VPS53: variants seen among roughly 807,000 people sequenced by gnomAD.
VPS53 encodes the protein VPS53 subunit of GARP complex.
Under a neutral mutation model 107.0 loss-of-function variants are expected in VPS53, and 70 were observed. That is an observed-to-expected ratio of 0.65 (90% CI 0.54 to 0.80). The LOEUF (loss-of-function observed/expected upper bound fraction) is 0.80. Among genes scored for constraint, VPS53 ranks in the 30% least tolerant of loss-of-function variants. The pLI is 0.00. For synonymous variants in VPS53, 409 were observed against 393.3 expected (o/e 1.04, Z -0.47); for missense variants, 917 against 1,049.4 (o/e 0.87, Z 1.74).
At chr17:589,582 G>T (rs1313920419) in intron 12 of VPS53, among the ~76,000 whole-genome samples, 1 of 152,156 alleles carries the variant, frequency 6.6e-6, no homozygotes, top group Non-Finnish European at 1.5e-5. Context: ...GGAGCTCCTT[G>T]TAACTTTTCT....
rs931590986 is a variant in VPS53, at chr17:524,805, G to C, written c.2086-3067C>G. Among the ~76,000 whole-genome samples, 20 of 152,206 alleles carry C rather than the reference G, an allele frequency of 1.3e-4. No individual in the cohort carries two copies. The highest frequency in any genetic ancestry group is 4.8e-4 in the African/African-American group (20 of 41,444). Reference sequence around the variant, plus strand: ...CATCAGAGTCAGAAGTAAACAGGTTGATAATCTAGTGTGGGCACGGCCACA... The same window carrying C: ...CATCAGAGTCAGAAGTAAACAGGTTCATAATCTAGTGTGGGCACGGCCACA... On this transcript the variant is annotated intron_variant, in intron 19 of 21. Coordinates refer to ENST00000437048, the MANE Select transcript of VPS53 (RefSeq NM_001128159.3). This position sits in a 1 kb window ranked among gnomAD's most constrained non-coding sequence, Gnocchi z 4.5.
intron 17 of VPS53, chr17:540,547 T>A (rs1049613931): frequency 2.0e-5 from 3 of 151,948 alleles, no homozygotes; most frequent in African/African-American, 2.4e-5. Flanking sequence ...TACCTTGCAT[T>A]GGAAGAACAA....
At chr17:653,086 T>C (rs1971021789) in intron 7 of VPS53, 2 of 985,406 alleles carry the variant, frequency 2.0e-6, no homozygotes, top group Non-Finnish European at 2.4e-6. Context: ...CCCCATATAC[T>C]TTCCCTCCAG....
intron 4 of VPS53, among the ~76,000 whole-genome samples, chr17:664,245 A>AT (rs1971587226): frequency 2.0e-5 from 3 of 151,840 alleles, no homozygotes; most frequent in Non-Finnish European, 4.4e-5. Flanking sequence ...CACCTGGCTA[A>AT]TTTTTTGTAT....
intron 13 of VPS53, 101 bp from the exon 14 acceptor site, chr17:562,846 A>G: frequency 1.5e-6 from 2 of 1,316,616 alleles, no homozygotes; most frequent in South Asian, 1.4e-5. Flanking sequence ...ACAAGTAATC[A>G]TTCCTACTGC....
Position 714,730 on chromosome 17 carries a change from C to G in VPS53, c.-21G>C. ...ATCATTCCGCCACCCGGCCCCCTGC[C>G]GACCCCCGCCGCGAGCCCAACTCAG... On this transcript the variant is annotated 5_prime_UTR_variant, in exon 1 of 22. Coordinates refer to ENST00000437048, the MANE Select transcript of VPS53 (RefSeq NM_001128159.3). 6.2e-7 allele frequency: 1 copy of G among 1,611,964 alleles called. No individual in the cohort carries two copies. Among genetic ancestry groups the G allele is most frequent in the Non-Finnish European group, 8.5e-7 (1 of 1,179,002 alleles).
intron 12 of VPS53, among the ~76,000 whole-genome samples, chr17:600,309 C>A (rs1968269760): frequency 6.6e-6 from 1 of 152,216 alleles, no homozygotes; most frequent in Non-Finnish European, 1.5e-5. Context: ...ATTCGTGAGA[C>A]ATCAGGGCTC....
chr17:668,446 G>C (rs1200334317), intron 4 of VPS53, among the ~76,000 whole-genome samples: 1 of 152,230 alleles, frequency 6.6e-6, no homozygotes, highest in Non-Finnish European at 1.5e-5. Flanking sequence ...ACCATGAGCA[G>C]TGGTTCAAAA....
At position 522,289 on chromosome 17, in the gene VPS53, A is replaced by C. The variant is rs139758460; in HGVS notation, c.2086-551T>G. Among the ~76,000 whole-genome samples, 448 of 152,286 alleles carry C rather than the reference A, an allele frequency of 2.9e-3. 5 individuals are homozygous for C. Among genetic ancestry groups the C allele is most frequent in the African/African-American group, 5.7e-3 (235 of 41,552 alleles). On this transcript the variant is annotated intron_variant, in intron 19 of 21. Coordinates refer to ENST00000437048, the MANE Select transcript of VPS53 (RefSeq NM_001128159.3). ...AAACCACAACTCCTCCATAAAACTA[A>C]ATCAGAATCATACTGTATGTATATT...
At chr17:628,017 G>A in intron 9 of VPS53, 71 bp downstream of exon 9, 2 of 1,465,316 alleles carry the variant, frequency 1.4e-6, no homozygotes, top group Non-Finnish European at 9.3e-7. Context: ...GTCTAAATTA[G>A]TAGGCTTGAC....
chr17:662,090 A>G (rs1456579168), intron 4 of VPS53, among the ~76,000 whole-genome samples, 195 bp from the exon 5 acceptor site: 4 of 152,160 alleles, frequency 2.6e-5, no homozygotes, highest in Non-Finnish European at 5.9e-5. Context: ...AACACTCGGG[A>G]CTCTTACCAA....
chr17:672,109 GACAC>G (rs10630363), intron 4 of VPS53, among the ~76,000 whole-genome samples: 2,428 of 108,898 alleles, frequency 0.022, 31 homozygotes, highest in Middle Eastern at 0.11. Flanking sequence ...TGATGAGGGT[GACAC>G]ACACACACAC....
rs569749930 is a variant in VPS53, at chr17:620,667, T to C, written c.1116+2866A>G. Among the ~76,000 whole-genome samples, 32 of 148,808 alleles carry C rather than the reference T, an allele frequency of 2.2e-4. No homozygotes were observed. In the East Asian group the frequency reaches 6.3e-3, roughly 29 times the overall value. ...GCATGACAGCTATGGGTGTTTCAGATTCTACATTCTATTTTTTTTTTTTTT... is the reference window on the plus strand; with the variant it reads ...GCATGACAGCTATGGGTGTTTCAGACTCTACATTCTATTTTTTTTTTTTTT... On this transcript the variant is annotated intron_variant, in intron 11 of 21. Coordinates refer to ENST00000437048, the MANE Select transcript of VPS53 (RefSeq NM_001128159.3).
At chr17:586,564 G>C (rs536224135) in intron 12 of VPS53, among the ~76,000 whole-genome samples, 200 bp from the exon 13 acceptor site, 1 of 152,294 alleles carries the variant, frequency 6.6e-6, no homozygotes, top group South Asian at 2.1e-4. Context: ...ACTTGCTCTG[G>C]ACGATGAAAG....
intron 11 of VPS53, among the ~76,000 whole-genome samples, chr17:603,501 C>T (rs1968418305): frequency 6.6e-6 from 1 of 152,218 alleles, no homozygotes; most frequent in Admixed American, 6.5e-5. Flanking sequence ...GACAATACTG[C>T]TAACAGTCAT....
intron 7 of VPS53, among the ~76,000 whole-genome samples, chr17:642,662 G>T (rs527352895): frequency 1.2e-4 from 16 of 129,044 alleles, no homozygotes; most frequent in Middle Eastern, 6.5e-3. Flanking sequence ...TACTTGGAAA[G>T]CGAGGACAAC....
chr17:661,694 T>C, intron 5 of VPS53, 115 bp downstream of exon 5: 1 of 944,426 alleles, frequency 1.1e-6, no homozygotes, highest in Non-Finnish European at 1.6e-6. Flanking sequence ...GAGATGCAGA[T>C]GACTCTGGTT....
At chr17:644,464 G>C (rs1259633229) in intron 7 of VPS53, among the ~76,000 whole-genome samples, 1 of 152,126 alleles carries the variant, frequency 6.6e-6, no homozygotes, top group Non-Finnish European at 1.5e-5. Flanking sequence ...TCACCAGAAA[G>C]GATGCTAAAA....
chr17:604,294 C>T (rs1211779318), intron 11 of VPS53, among the ~76,000 whole-genome samples: 1 of 151,990 alleles, frequency 6.6e-6, no homozygotes, highest in Non-Finnish European at 1.5e-5. Context: ...GTCAAACCTA[C>T]TCTCACTGGC....
Sources: allele counts gnomAD v4.1 joint callset (sites outside exome capture counted in the v4.1 genomes callset), GRCh38; gene constraint gnomAD v4.1.1; non-coding constraint Gnocchi (gnomAD v3.1); transcripts MANE v1.5; gene names NCBI Gene and HGNC (gene_info 2026-07-23, HGNC 2026-07-21).